The following USP12 variants were observed in gnomAD, a reference collection of about 807,000 sequenced individuals.
USP12 encodes the protein ubiquitin carboxyl-terminal hydrolase 12.
Under a neutral mutation model 45.5 loss-of-function variants are expected in USP12, and 19 were observed. The observed-to-expected ratio is 0.42, with a 90% CI of 0.29 to 0.61. USP12 has a LOEUF of 0.61. Ranked by LOEUF, USP12 falls within the 20% of genes least tolerant of loss-of-function variation. USP12 has a pLI of 0.22. For synonymous variants in USP12, 149 were observed against 148.8 expected (o/e 1.00, Z -0.01); for missense variants, 242 against 447.7 (o/e 0.54, Z 4.15).
intron 6 of USP12, among the ~76,000 whole-genome samples, chr13:27,076,214 G>A (rs1873481706): frequency 6.6e-6 from 1 of 152,044 alleles, no homozygotes. Flanking sequence ...TCAGAGACAA[G>A]AAATAACTCC....
chr13:27,120,497 A>G (rs951850876), intron 1 of USP12, among the ~76,000 whole-genome samples: 1 of 152,102 alleles, frequency 6.6e-6, no homozygotes, highest in African/African-American at 2.4e-5. Context: ...TATTAAAAAT[A>G]CAAAAAATTA....
At chr13:27,110,405 C>T (rs1875382023) in intron 2 of USP12, among the ~76,000 whole-genome samples, 2 of 152,176 alleles carry the variant, frequency 1.3e-5, no homozygotes, top group Non-Finnish European at 2.9e-5. Context: ...TATGTTCAAT[C>T]TCCTAATTGT....
chr13:27,107,641 T>C (rs545983740), intron 2 of USP12, among the ~76,000 whole-genome samples: 1 of 152,324 alleles, frequency 6.6e-6, no homozygotes, highest in South Asian at 2.1e-4. Flanking sequence ...TATACCCAGA[T>C]TGTGTTCTCT....
At chr13:27,146,894 CCTG>C (rs1163317470) in intron 1 of USP12, among the ~76,000 whole-genome samples, 2 of 152,064 alleles carry the variant, frequency 1.3e-5, no homozygotes, top group Non-Finnish European at 2.9e-5. Context: ...TGACTGGCAT[CCTG>C]CTATTATAAA....
chr13:27,091,075 T>TGGAA (rs1874289921), intron 4 of USP12, among the ~76,000 whole-genome samples: 1 of 152,064 alleles, frequency 6.6e-6, no homozygotes, highest in African/African-American at 2.4e-5. Context: ...CACTGTACGA[T>TGGAA]GGAAGATACA....
chr13:27,138,700 T>A (rs1876921439), intron 1 of USP12, among the ~76,000 whole-genome samples: 1 of 152,242 alleles, frequency 6.6e-6, no homozygotes, highest in African/African-American at 2.4e-5. Flanking sequence ...TGTGACAGGC[T>A]GTTTACCTAC....
At chr13:27,089,529 CTG>C (rs1874217658) in intron 6 of USP12, 1 of 177,350 alleles carries the variant, frequency 5.6e-6, no homozygotes, top group Non-Finnish European at 1.2e-5. Context: ...AAAGCAGAAA[CTG>C]GGGGTGTGGG....
rs78394407 is a variant in USP12 at position 27,078,992 on chromosome 13, A to G, written c.735-3604T>C. ...AGATGAAATCAGAGTATGTCCTCTG[A>G]TAAAAAAAAAAACTAGAAAATCCCC... On this transcript the variant is annotated intron_variant, in intron 6 of 8. Coordinates refer to ENST00000282344, the MANE Select transcript of USP12 (RefSeq NM_182488.4). 1.4e-3 allele frequency among the ~76,000 whole-genome samples: 213 copies of G among 148,390 alleles called. 3 individuals carry two copies. In the East Asian group the frequency reaches 0.033, roughly 23 times the overall value.
At chr13:27,132,288 G>C (rs1164080380) in intron 1 of USP12, among the ~76,000 whole-genome samples, 3 of 152,172 alleles carry the variant, frequency 2.0e-5, no homozygotes, top group Admixed American at 6.5e-5. Context: ...GTGCAAAGGA[G>C]ATTGGCTTAT....
chr13:27,169,784 G>C (rs1878501272), intron 1 of USP12, among the ~76,000 whole-genome samples: 1 of 152,154 alleles, frequency 6.6e-6, no homozygotes, highest in Non-Finnish European at 1.5e-5. Flanking sequence ...CCATGAGCAA[G>C]AATGTAAACA....
intron 1 of USP12, among the ~76,000 whole-genome samples, chr13:27,164,702 A>T (rs1878274888): frequency 6.6e-6 from 1 of 152,146 alleles, no homozygotes; most frequent in Admixed American, 6.6e-5. Flanking sequence ...CAATACTGGG[A>T]CTCCAATAGA....
At chr13:27,109,943 A>T (rs1565992857) in intron 2 of USP12, among the ~76,000 whole-genome samples, 1 of 150,390 alleles carries the variant, frequency 6.6e-6, no homozygotes, top group Non-Finnish European at 1.5e-5. Context: ...TTTGAGACAA[A>T]AGAAGATACT....
chr13:27,097,387 C>A (rs1352849754), intron 3 of USP12, among the ~76,000 whole-genome samples: 1 of 152,174 alleles, frequency 6.6e-6, no homozygotes, highest in Non-Finnish European at 1.5e-5. Flanking sequence ...ATCGCTTGAA[C>A]CCGGGAGGTA....
At chr13:27,163,542 T>C (rs1052868313) in intron 1 of USP12, among the ~76,000 whole-genome samples, 1 of 152,022 alleles carries the variant, frequency 6.6e-6, no homozygotes, top group Non-Finnish European at 1.5e-5. Flanking sequence ...TCTCATTGCA[T>C]GCATTTGTTT....
intron 1 of USP12, among the ~76,000 whole-genome samples, chr13:27,122,637 G>T (rs969907741): frequency 5.9e-5 from 9 of 151,966 alleles, no homozygotes; most frequent in Admixed American, 1.3e-4. Context: ...GGATGACAGA[G>T]TGAGACCCCA....
At chr13:27,163,111 G>T (rs74360206) in intron 1 of USP12, among the ~76,000 whole-genome samples, 67,869 of 151,802 alleles carry the variant, frequency 0.45, 16,268 homozygotes, top group East Asian at 0.8. Context: ...AGCAAATTTT[G>T]AAAAATCAAT....
At chr13:27,132,080 G>T (rs1309857261) in intron 1 of USP12, among the ~76,000 whole-genome samples, 2 of 152,112 alleles carry the variant, frequency 1.3e-5, no homozygotes, top group South Asian at 2.1e-4. Flanking sequence ...AGAAATCCGG[G>T]CTATGAAACA....
chr13:27,164,814 C>T (rs1458705230), intron 1 of USP12, among the ~76,000 whole-genome samples: 2 of 151,910 alleles, frequency 1.3e-5, no homozygotes, highest in African/African-American at 2.4e-5. Flanking sequence ...AAATATCCCT[C>T]TTCTAGACTA....
At chr13:27,099,842 T>C (rs561558769) in intron 3 of USP12, among the ~76,000 whole-genome samples, 1 of 152,304 alleles carries the variant, frequency 6.6e-6, no homozygotes, top group South Asian at 2.1e-4. Flanking sequence ...CATTAGCCTT[T>C]AGCAAAATCC....
Sources: allele counts gnomAD v4.1 joint callset (sites outside exome capture counted in the v4.1 genomes callset), GRCh38; gene constraint gnomAD v4.1.1; transcripts MANE v1.5; gene names NCBI Gene and HGNC (gene_info 2026-07-23, HGNC 2026-07-21).